LARP4B: variants seen among roughly 807,000 people sequenced by gnomAD.
LARP4B encodes the protein La ribonucleoprotein 4B.
Under a neutral mutation model 89.8 loss-of-function variants are expected in LARP4B, and 12 were observed. That is an observed-to-expected ratio of 0.13 (90% CI 0.09 to 0.22). The LOEUF is 0.22. Among genes scored for constraint, LARP4B ranks in the 10% least tolerant of loss-of-function variants. The pLI is 1.00. For synonymous variants in LARP4B, 367 were observed against 363.3 expected, an observed-to-expected ratio of 1.01 and a Z score of -0.12; for missense variants, 757 against 947.7, an observed-to-expected ratio of 0.80 and a Z score of 2.64.
intron 8 of LARP4B, among the ~76,000 whole-genome samples, 153 bp from the exon 9 acceptor site, chr10:831,130 G>C (rs184952234): frequency 7.2e-5 from 11 of 152,196 alleles, no homozygotes; most frequent in African/African-American, 2.4e-4. Flanking sequence ...AAAGGATGAG[G>C]GTTCAGCAGG....
chr10:864,423 T>TAA (rs199968615), intron 3 of LARP4B, among the ~76,000 whole-genome samples, 153 bp from the exon 4 acceptor site: 5 of 131,344 alleles, frequency 3.8e-5, no homozygotes, highest in South Asian at 4.9e-4. Context: ...GGTTCAAAAT[T>TAA]AAAAAAAAAA....
chr10:904,146 CAAT>C (rs1336404208), intron 1 of LARP4B, among the ~76,000 whole-genome samples: 2 of 152,090 alleles, frequency 1.3e-5, no homozygotes, highest in Non-Finnish European at 2.9e-5. Flanking sequence ...AATCCAAGCA[CAAT>C]GATGCATACC....
intron 8 of LARP4B, among the ~76,000 whole-genome samples, chr10:832,480 T>C (rs778555757): frequency 1.2e-4 from 19 of 152,160 alleles, no homozygotes; most frequent in Non-Finnish European, 2.1e-4. Context: ...AGGAAAACAT[T>C]TAACAAAATA....
chr10:892,390 C>A (rs958172458), intron 1 of LARP4B, among the ~76,000 whole-genome samples: 1 of 152,166 alleles, frequency 6.6e-6, no homozygotes, highest in African/African-American at 2.4e-5. Flanking sequence ...CTAAAAATTT[C>A]TTTTCATGTA....
chr10:860,051 T>C (rs1156488713), intron 5 of LARP4B, among the ~76,000 whole-genome samples: 1 of 130,938 alleles, frequency 7.6e-6, no homozygotes, highest in Non-Finnish European at 1.5e-5. Context: ...TGTGCCAATA[T>C]AGGATCATCA....
chr10:950,536 A>T, the LARP4B span, among the ~76,000 whole-genome samples: 3 of 152,136 alleles, frequency 2.0e-5, no homozygotes, highest in Admixed American at 2.0e-4. Context: ...TCTGCATGAC[A>T]TTTGCTGGCA....
the LARP4B span, among the ~76,000 whole-genome samples, chr10:968,304 T>C: frequency 6.6e-6 from 1 of 151,798 alleles, no homozygotes; most frequent in Admixed American, 6.6e-5. Flanking sequence ...CAAACTGAGG[T>C]CAAACTTTAT....
chr10:844,957 A>G lies in LARP4B; in HGVS notation c.509+20T>C. ...AATACTAGAAATATCAGGTACTAGA[A>G]AAACCACCACCAGCCTTACCTAGAT... On this transcript the variant is annotated intron_variant, in intron 6 of 17. Coordinates refer to ENST00000316157, the MANE Select transcript of LARP4B (RefSeq NM_015155.3). 1 of 1,585,684 alleles carries G rather than the reference A, an allele frequency of 6.3e-7. No homozygotes were observed. Among genetic ancestry groups the G allele is most frequent in the Non-Finnish European group, 8.6e-7 (1 of 1,164,526 alleles).
At chr10:953,922 A>C in the LARP4B span, among the ~76,000 whole-genome samples, 1 of 152,254 alleles carries the variant, frequency 6.6e-6, no homozygotes, top group South Asian at 2.1e-4. Flanking sequence ...CTCCAAGGAA[A>C]GACGGGAGCT....
the LARP4B span, among the ~76,000 whole-genome samples, chr10:944,808 C>T: frequency 6.6e-6 from 1 of 151,778 alleles, no homozygotes; most frequent in Non-Finnish European, 1.5e-5. Flanking sequence ...TAATTAAATC[C>T]AGTCCCTAAA....
intron 7 of LARP4B, among the ~76,000 whole-genome samples, chr10:837,693 G>GCAT (rs1421245577): frequency 2.0e-5 from 3 of 152,214 alleles, no homozygotes; most frequent in Non-Finnish European, 4.4e-5. Context: ...CACGTGGGGT[G>GCAT]CTGCAACAGA....
At chr10:909,105 T>G (rs1236465757) in intron 1 of LARP4B, among the ~76,000 whole-genome samples, 1 of 151,876 alleles carries the variant, frequency 6.6e-6, no homozygotes, top group East Asian at 1.9e-4. Context: ...TCATCCTGGC[T>G]AACACGGTGA....
intron 5 of LARP4B, among the ~76,000 whole-genome samples, chr10:861,442 G>C (rs1834610897): frequency 6.6e-6 from 1 of 152,216 alleles, no homozygotes; most frequent in Non-Finnish European, 1.5e-5. Context: ...AGGAGTGAGA[G>C]AGGGAGTAGG....
At chr10:836,567 A>C in intron 7 of LARP4B, 61 bp from the exon 8 acceptor site, 1 of 1,065,992 alleles carries the variant, frequency 9.4e-7, no homozygotes, top group Non-Finnish European at 1.5e-6. Flanking sequence ...ATGCCAGTGG[A>C]ATGTGTTACA....
At chr10:887,886 G>A (rs1237841818) in intron 1 of LARP4B, among the ~76,000 whole-genome samples, 1 of 151,424 alleles carries the variant, frequency 6.6e-6, no homozygotes, top group Non-Finnish European at 1.5e-5. Context: ...AGCCAGGCAT[G>A]GTGGCACATG....
chr10:869,478 G>T (rs1038031604), intron 3 of LARP4B, among the ~76,000 whole-genome samples: 4 of 152,118 alleles, frequency 2.6e-5, no homozygotes, highest in African/African-American at 4.8e-5. Context: ...CACCAAACAA[G>T]AATTCATATT....
At chr10:972,713 T>C in the LARP4B span, 31 of 457,036 alleles carry the variant, frequency 6.8e-5, no homozygotes, top group South Asian at 4.6e-4. Context: ...TCAGGCATTC[T>C]ACATTGAGAT....
rs780681430 is a variant in LARP4B at position 925,627 on chromosome 10, G to A, written c.-40+5801C>T. Among the ~76,000 whole-genome samples the A allele has an allele frequency of 2.6e-5, 4 of 152,096 alleles. No homozygotes were observed. The East Asian group carries it at 7.7e-4, about 29-fold the overall frequency. On this transcript the variant is annotated intron_variant, in intron 1 of 17. Coordinates refer to ENST00000316157, the MANE Select transcript of LARP4B (RefSeq NM_015155.3). ...CAGATCACTGCAACCTCTGCCTCCC[G>A]GGTTTAAGCAATTCTCCCGCCTCAG...
intron 15 of LARP4B, 94 bp from the exon 16 acceptor site, chr10:815,164 GA>G: frequency 6.9e-7 from 1 of 1,455,772 alleles, no homozygotes; most frequent in East Asian, 2.3e-5. Context: ...ACAGCCTTGG[GA>G]GAGCAGCACA....
Sources: gnomAD v4.1 joint callset for allele counts (sites outside exome capture counted in the v4.1 genomes callset) on GRCh38, gnomAD v4.1.1 for gene constraint, MANE v1.5 for transcripts, NCBI Gene and HGNC (gene_info 2026-07-23, HGNC 2026-07-21) for gene names.